CCDC169: variants seen among roughly 807,000 people sequenced by gnomAD.
CCDC169 encodes coiled-coil domain containing 169.
In CCDC169, 30 loss-of-function variants were observed where a neutral mutation model predicts 36.0. That is an observed-to-expected ratio of 0.83 (90% CI 0.62 to 1.13). CCDC169 has a LOEUF of 1.13. CCDC169 is among the 50% of genes most tolerant of loss of function. The pLI, the probability that CCDC169 is intolerant of heterozygous loss-of-function variation, is 0.00. For synonymous variants in CCDC169, 85 were observed against 81.5 expected (o/e 1.04, Z -0.23); for missense variants, 245 against 245.9 (o/e 1.00, Z 0.03).
chr13:36,228,865 T>C (rs546666373), downstream of CCDC169, among the ~76,000 whole-genome samples: 2 of 152,316 alleles, frequency 1.3e-5, no homozygotes, highest in East Asian at 3.9e-4. Flanking sequence ...ATTTTCTTTA[T>C]GACAAAATTA....
chr13:36,246,099 T>C (rs1872475038), intron 7 of CCDC169, among the ~76,000 whole-genome samples: 1 of 152,198 alleles, frequency 6.6e-6, no homozygotes, highest in Non-Finnish European at 1.5e-5. Flanking sequence ...TCTTTGGGCT[T>C]CTCTATTCAT....
At chr13:36,227,517 A>G, downstream of CCDC169, 1 of 338,128 alleles carries the variant, frequency 3.0e-6, no homozygotes, top group East Asian at 7.1e-5. Flanking sequence ...TAAATAAATA[A>G]AAGCTCTATA....
chr13:36,253,598 G>C (rs1008555768), intron 6 of CCDC169, among the ~76,000 whole-genome samples: 3 of 152,148 alleles, frequency 2.0e-5, no homozygotes, highest in Non-Finnish European at 4.4e-5. Flanking sequence ...GCCTCCCAAA[G>C]TGCTGGGATT....
chr13:36,279,827 A>C (rs1040364138), intron 4 of CCDC169, among the ~76,000 whole-genome samples: 2 of 152,218 alleles, frequency 1.3e-5, no homozygotes, highest in African/African-American at 4.8e-5. Context: ...GAGATCATAC[A>C]ACTGCAATGC....
At chr13:36,265,425 A>C (rs1445676422) in intron 4 of CCDC169, among the ~76,000 whole-genome samples, 3 of 152,188 alleles carry the variant, frequency 2.0e-5, no homozygotes, top group Admixed American at 1.3e-4. Flanking sequence ...TGTAACTGAA[A>C]CCTTATTAAT....
At chr13:36,232,946 AG>A (rs1253222354) in intron 7 of CCDC169, among the ~76,000 whole-genome samples, 2 of 152,194 alleles carry the variant, frequency 1.3e-5, no homozygotes, top group Non-Finnish European at 2.9e-5. Context: ...GGAATCTAGA[AG>A]CCCATACACA....
chr13:36,225,405 A>T (rs187120639), downstream of CCDC169: 10 of 152,730 alleles, frequency 6.5e-5, no homozygotes, highest in Non-Finnish European at 1.2e-4. Context: ...CAGTCTCACT[A>T]TGTTGCCCAG....
rs1214313206 is a variant in CCDC169, at chr13:36,248,636, A to C, written c.515T>G (p.Leu172Arg). ...CACTAGATTCTCTTGCATCCTAGGC[A>C]GTTGATCCACCTGTTGCCTTTTAGA... ...QVSKRQQVDQ[L>R]PRMQENLVKT... Residue 172 changes from leucine to arginine, a missense_variant, in exon 7 of 8, where the codon CTG (leucine) becomes CGG (arginine). Physicochemically the swap from Leu to Arg is moderately radical, Grantham distance 102. Transcript: ENST00000239859. The C allele has an allele frequency of 1.3e-6, 2 of 1,550,770 alleles. No individual in the cohort carries two copies. The highest frequency in any genetic ancestry group is 1.7e-6 in the Non-Finnish European group (2 of 1,146,384).
At chr13:36,249,841 A>T (rs756120128) in intron 6 of CCDC169, among the ~76,000 whole-genome samples, 1 of 152,334 alleles carries the variant, frequency 6.6e-6, no homozygotes, top group South Asian at 2.1e-4. Flanking sequence ...GAAAATAAAA[A>T]GGAGGAAAAT....
At position 36,283,457 on chromosome 13, in the gene CCDC169, A is replaced by G; in HGVS notation, c.315+12T>C. On this transcript the variant is annotated intron_variant, in intron 4 of 7. Coordinates refer to ENST00000239859, the MANE Select transcript of CCDC169 (RefSeq NM_001144981.3). ...TCAATTATTCTTTGTGTTTAATCAC[A>G]TTTCTACTCACCACTGGCATTCGTT... The G allele has an allele frequency of 1.3e-6, 2 of 1,546,294 alleles. No individual in the cohort carries two copies. The highest frequency in any genetic ancestry group is 8.7e-7 in the Non-Finnish European group (1 of 1,143,344).
downstream of CCDC169, chr13:36,227,262 C>T: frequency 3.2e-6 from 5 of 1,551,382 alleles, no homozygotes; most frequent in Non-Finnish European, 3.5e-6. Context: ...GCAGGCGGGC[C>T]AGAGTGCTTT....
At chr13:36,236,404 T>C (rs1356912882) in intron 7 of CCDC169, among the ~76,000 whole-genome samples, 4 of 152,010 alleles carry the variant, frequency 2.6e-5, no homozygotes, top group African/African-American at 4.8e-5. Flanking sequence ...TGGCAAAGGA[T>C]AGTGTCTTCA....
intron 2 of CCDC169, among the ~76,000 whole-genome samples, chr13:36,294,839 G>A (rs1041514334): frequency 2.0e-5 from 3 of 152,118 alleles, no homozygotes; most frequent in Admixed American, 6.5e-5. Context: ...GATTTTCACA[G>A]TGCTTTTCCA....
chr13:36,245,302 G>GC (rs1555249931), intron 7 of CCDC169, among the ~76,000 whole-genome samples: 1 of 148,810 alleles, frequency 6.7e-6, no homozygotes, highest in South Asian at 2.1e-4. Context: ...CTGTGTTTTT[G>GC]TTTTTTTTTT....
At chr13:36,259,715 C>T (rs527643731) in intron 4 of CCDC169, among the ~76,000 whole-genome samples, 3 of 151,788 alleles carry the variant, frequency 2.0e-5, no homozygotes, top group African/African-American at 4.8e-5. Context: ...AAGACTTGGC[C>T]CACGACCAAT....
At chr13:36,271,712 G>A (rs1472417764) in intron 4 of CCDC169, among the ~76,000 whole-genome samples, 1 of 152,110 alleles carries the variant, frequency 6.6e-6, no homozygotes, top group Non-Finnish European at 1.5e-5. Context: ...TACTGAGTAT[G>A]CAGAAGCATA....
chr13:36,259,236 T>C (rs890777429), intron 4 of CCDC169, among the ~76,000 whole-genome samples: 1 of 152,102 alleles, frequency 6.6e-6, no homozygotes, highest in Non-Finnish European at 1.5e-5. Flanking sequence ...GCTGAGTCAA[T>C]TGGTCCCTGT....
chr13:36,290,614 C>T (rs1030848871), intron 2 of CCDC169, among the ~76,000 whole-genome samples: 8 of 152,156 alleles, frequency 5.3e-5, no homozygotes, highest in Admixed American at 3.3e-4. Context: ...GATGCCTAAA[C>T]AGCTGAACAA....
At chr13:36,254,293 T>TTTTTTA in intron 4 of CCDC169, 150 bp from the exon 5 acceptor site, 2 of 527,136 alleles carry the variant, frequency 3.8e-6, no homozygotes, top group Non-Finnish European at 3.1e-6. Flanking sequence ...TTTTTTTTTT[T>TTTTTTA]TAGACAGAGT....
Sources: allele counts gnomAD v4.1 joint callset (sites outside exome capture counted in the v4.1 genomes callset), GRCh38; gene constraint gnomAD v4.1.1; transcripts MANE v1.5; gene names NCBI Gene and HGNC (gene_info 2026-07-23, HGNC 2026-07-21).